Variants in EMB observed in about 807,000 individuals in gnomAD.
EMB encodes embigin homolog.
EMB carries 31 observed loss-of-function variants against 41.4 expected under a neutral mutation model. That is an observed-to-expected ratio of 0.75 (90% CI 0.56 to 1.01). The LOEUF is 1.01. Among genes scored for constraint, EMB ranks in the 50% least tolerant of loss-of-function variants. The probability of loss-of-function intolerance (pLI) is 0.00; values close to 1 mark genes in which losing one functional copy is unlikely to be tolerated. For missense variants in EMB, 379 were observed against 388.3 expected (o/e 0.98, Z 0.20); for synonymous variants, 137 against 140.4 (o/e 0.98, Z 0.17).
chr5:50,428,376 A>G lies in EMB; in HGVS notation c.113-149T>C, dbSNP rs574369849. On this transcript the variant is annotated intron_variant, in intron 1 of 8. Transcript: ENST00000303221. ...TCAAAGTCTTATATACTTCAAAGAC[A>G]TTTAGAGATATATTAGGCTATTAAA... The G allele has an allele frequency of 1.5e-5, 19 of 1,228,314 alleles. No homozygotes were observed. The African/African-American group carries it at 2.8e-4, about 18-fold the overall frequency. The allele number at this position is 1,228,314 out of a possible 1,614,324, so 76.1% of individuals were successfully genotyped here.
chr5:50,439,913 T>C (rs2111880861), intron 1 of EMB, among the ~76,000 whole-genome samples: 1 of 152,278 alleles, frequency 6.6e-6, no homozygotes, highest in Non-Finnish European at 1.5e-5. Context: ...TTATTACCCT[T>C]ACTGGCTGGT....
intron 2 of EMB, among the ~76,000 whole-genome samples, chr5:50,414,849 C>T (rs1745403148): frequency 6.6e-6 from 1 of 152,170 alleles, no homozygotes; most frequent in African/African-American, 2.4e-5. Flanking sequence ...ATTTTGCTAG[C>T]CACACCAAAT....
At chr5:50,407,798 T>C (rs1745272294) in intron 4 of EMB, among the ~76,000 whole-genome samples, 1 of 151,888 alleles carries the variant, frequency 6.6e-6, no homozygotes, top group African/African-American at 2.4e-5. Flanking sequence ...AGTGCTACGG[T>C]TGGAATAAAC....
At chr5:50,437,301 TAAATA>T (rs950149627) in intron 1 of EMB, among the ~76,000 whole-genome samples, 5 of 152,080 alleles carry the variant, frequency 3.3e-5, no homozygotes, top group African/African-American at 1.2e-4. Flanking sequence ...AATGAATAAA[TAAATA>T]AAAGTAGGCT....
At chr5:50,427,406 C>G (rs1745629703) in intron 2 of EMB, among the ~76,000 whole-genome samples, 1 of 151,882 alleles carries the variant, frequency 6.6e-6, no homozygotes, top group African/African-American at 2.4e-5. Context: ...GAAATGTAAC[C>G]ATTCAGTGCC....
chr5:50,401,818 C>A (rs1428987181), intron 7 of EMB, among the ~76,000 whole-genome samples: 2 of 151,890 alleles, frequency 1.3e-5, no homozygotes, highest in Admixed American at 1.3e-4. Context: ...TAGCCCCAAC[C>A]CAAGAGGTTC....
chr5:50,408,829 A>G (rs1438342792), intron 4 of EMB, among the ~76,000 whole-genome samples: 2 of 152,086 alleles, frequency 1.3e-5, no homozygotes, highest in East Asian at 3.9e-4. Context: ...CATAATGTAC[A>G]GATGTCTTTA....
chr5:50,413,661 C>T (rs1415457159), intron 2 of EMB, among the ~76,000 whole-genome samples: 1 of 151,564 alleles, frequency 6.6e-6, no homozygotes. Context: ...CTGCAACCTC[C>T]GCCTCCCGGA....
chr5:50,436,570 C>A (rs1292046756), intron 1 of EMB, among the ~76,000 whole-genome samples: 1 of 152,200 alleles, frequency 6.6e-6, no homozygotes, highest in Non-Finnish European at 1.5e-5. Context: ...TCAAACATCA[C>A]CCATCTGCTG....
intron 1 of EMB, among the ~76,000 whole-genome samples, chr5:50,437,263 C>A (rs967470105): frequency 6.6e-6 from 1 of 151,552 alleles, no homozygotes; most frequent in East Asian, 1.9e-4. Flanking sequence ...AGAGTGAGAC[C>A]CTGTCTCAAA....
At position 50,411,309 on chromosome 5, in the gene EMB, T is replaced by C; in HGVS notation, c.271A>G (p.Thr91Ala). 4 of 1,613,236 alleles carry C rather than the reference T, an allele frequency of 2.5e-6. No homozygotes were observed. The highest frequency in any genetic ancestry group is 1.1e-5 in the South Asian group (1 of 90,972). Residue 91 changes from threonine (T) to alanine (A), a missense_variant, in exon 3 of 9, where the codon ACA becomes GCA. By Grantham distance (58) the Thr-to-Ala change is moderately conservative. Coordinates refer to ENST00000303221, the MANE Select transcript of EMB (RefSeq NM_198449.3). Reference protein sequence around the residue: ...PSNVNLTCQFTTSGDLNAVNV... With the variant: ...PSNVNLTCQFATSGDLNAVNV... ...ACTGCATTCAAATCCCCAGATGTTG[T>C]GAACTGGCATGTGAGATTTACATTA...
Position 50,441,146 on chromosome 5 carries a change from G to A in EMB, c.6C>T (p.Arg2=), listed in dbSNP as rs1488747782. ...TGGCCTCCAGCAGGCCGGGGAGGGC[G>A]CGCATGGCGCCAGAGGGTCCGCCTG... M[R]ALPGLLEARA... is the part of the protein sequence containing the mutation. Residue 2 remains arginine (R), a synonymous_variant, in exon 1 of 9, where the codon CGC becomes CGT. Coordinates refer to ENST00000303221, the MANE Select transcript of EMB (RefSeq NM_198449.3). The A allele has an allele frequency of 8.0e-6, 12 of 1,498,174 alleles. No individual in the cohort carries two copies. The highest frequency in any genetic ancestry group is 2.1e-5 in the Admixed American group (1 of 47,790). The allele number at this position is 1,498,174 out of a possible 1,614,324, so 92.8% of individuals were successfully genotyped here.
chr5:50,403,490 T>C (rs372107669), intron 5 of EMB, 36 bp from the exon 6 acceptor site: 13 of 1,597,710 alleles, frequency 8.1e-6, no homozygotes, highest in African/African-American at 1.3e-5. Context: ...ATTCCTATCA[T>C]AGCACATAAA....
intron 7 of EMB, among the ~76,000 whole-genome samples, chr5:50,401,610 C>T (rs1745164013): frequency 6.6e-6 from 1 of 151,948 alleles, no homozygotes; most frequent in Non-Finnish European, 1.5e-5. Context: ...CCCATCTTTG[C>T]CAAACTAAAT....
chr5:50,421,485 G>A (rs1302988717), intron 2 of EMB, among the ~76,000 whole-genome samples: 1 of 152,054 alleles, frequency 6.6e-6, no homozygotes, highest in African/African-American at 2.4e-5. Flanking sequence ...AAGTCAGTGT[G>A]GCGATTCCTC....
At chr5:50,435,861 T>C (rs1273137146) in intron 1 of EMB, among the ~76,000 whole-genome samples, 11 of 152,218 alleles carry the variant, frequency 7.2e-5, no homozygotes, top group Non-Finnish European at 1.2e-4. Context: ...TTTATTTTGA[T>C]GCTCAATTTT....
intron 7 of EMB, among the ~76,000 whole-genome samples, chr5:50,400,525 T>A (rs1338921527): frequency 6.6e-6 from 1 of 151,834 alleles, no homozygotes; most frequent in Non-Finnish European, 1.5e-5. Flanking sequence ...AAAAAAGAAA[T>A]CCCACGAGTG....
intron 1 of EMB, among the ~76,000 whole-genome samples, chr5:50,440,769 A>C (rs1745893405): frequency 6.6e-6 from 1 of 151,926 alleles, no homozygotes; most frequent in Admixed American, 6.6e-5. Flanking sequence ...CTGCCCTGTT[A>C]CCTACGCGCC....
At chr5:50,416,427 T>G (rs191986901) in intron 2 of EMB, among the ~76,000 whole-genome samples, 2 of 152,336 alleles carry the variant, frequency 1.3e-5, no homozygotes, top group East Asian at 3.9e-4. Flanking sequence ...TTCAGAGAAA[T>G]GACATTTAGA....
Sources: allele counts gnomAD v4.1 joint callset (sites outside exome capture counted in the v4.1 genomes callset), GRCh38; gene constraint gnomAD v4.1.1; transcripts MANE v1.5; gene names NCBI Gene and HGNC (gene_info 2026-07-23, HGNC 2026-07-21).